HYCC1: variants seen among roughly 807,000 people sequenced by gnomAD.
HYCC1 encodes the protein hyccin PI4KA lipid kinase complex subunit 1, also known as hyccin.
the HYCC1 span, among the ~76,000 whole-genome samples, chr7:22,975,845 T>G: frequency 2.6e-5 from 4 of 152,114 alleles, no homozygotes; most frequent in African/African-American, 9.7e-5. Context: ...GCCTCCCAGG[T>G]AGCTGGGACT....
chr7:22,918,638 G>A, the HYCC1 span, among the ~76,000 whole-genome samples: 421 of 152,212 alleles, frequency 2.8e-3, 1 homozygote, highest in South Asian at 6.0e-3. Flanking sequence ...GAAAATGGCC[G>A]ATTCCTGCCT....
chr7:22,899,023 C>T, the HYCC1 span, among the ~76,000 whole-genome samples: 12 of 152,270 alleles, frequency 7.9e-5, no homozygotes, highest in Admixed American at 6.5e-4. Flanking sequence ...CATTTTTATT[C>T]ACTGTGGTTA....
the HYCC1 span, chr7:22,960,369 G>A: frequency 4.7e-5 from 76 of 1,613,284 alleles, no homozygotes; most frequent in Non-Finnish European, 6.1e-5. Flanking sequence ...TTCCTTATTA[G>A]ATTTCATGGG....
the HYCC1 span, among the ~76,000 whole-genome samples, chr7:22,914,079 C>T: frequency 6.6e-6 from 1 of 152,220 alleles, no homozygotes; most frequent in Non-Finnish European, 1.5e-5. Context: ...AAAGGAGGCA[C>T]ATTTTATCTG....
At chr7:23,004,156 T>C in the HYCC1 span, among the ~76,000 whole-genome samples, 5 of 152,348 alleles carry the variant, frequency 3.3e-5, no homozygotes, top group East Asian at 9.6e-4. Flanking sequence ...GACGTTGTTT[T>C]GTAGCTGAAT....
chr7:22,924,165 G>A, the HYCC1 span, among the ~76,000 whole-genome samples: 20 of 132,908 alleles, frequency 1.5e-4, no homozygotes, highest in South Asian at 8.3e-4. Flanking sequence ...GTGACAGAGC[G>A]AGACTCTGTA....
the HYCC1 span, chr7:22,978,251 A>G: frequency 6.2e-7 from 1 of 1,611,290 alleles, no homozygotes; most frequent in Non-Finnish European, 8.5e-7. Flanking sequence ...GATTTTGTTA[A>G]CTCCATTAAA....
chr7:22,931,255 GAAA>G, the HYCC1 span, among the ~76,000 whole-genome samples: 1 of 103,816 alleles, frequency 9.6e-6, no homozygotes, highest in African/African-American at 3.5e-5. Context: ...CAAAAAAAAA[GAAA>G]AAAAAAAAAA....
chr7:23,013,267 G>A, the HYCC1 span, among the ~76,000 whole-genome samples: 218 of 152,302 alleles, frequency 1.4e-3, no homozygotes, highest in African/African-American at 5.0e-3. Flanking sequence ...AGGGGCAAGG[G>A]CTCAAGAAGA....
chr7:22,931,985 C>A, the HYCC1 span, among the ~76,000 whole-genome samples: 10 of 152,104 alleles, frequency 6.6e-5, no homozygotes, highest in Non-Finnish European at 1.5e-4. Flanking sequence ...TGAAAGGAAC[C>A]AGCATTTGCT....
At chr7:22,930,888 T>A in the HYCC1 span, among the ~76,000 whole-genome samples, 2 of 152,114 alleles carry the variant, frequency 1.3e-5, no homozygotes, top group African/African-American at 4.8e-5. Flanking sequence ...AAAAACTACA[T>A]GTTCGTCTCA....
chr7:22,898,589 CTTTTCTTTTCT>C, the HYCC1 span, among the ~76,000 whole-genome samples: 1 of 56,638 alleles, frequency 1.8e-5, no homozygotes, highest in African/African-American at 5.9e-5. Flanking sequence ...CTTTTCTTTT[CTTTTCTTTTCT>C]TTTCTTTTTT....
the HYCC1 span, among the ~76,000 whole-genome samples, chr7:22,898,908 A>G: frequency 2.0e-5 from 3 of 151,992 alleles, no homozygotes; most frequent in Non-Finnish European, 2.9e-5. Context: ...GCTGGTCCGA[A>G]TATTTCTCAA....
chr7:23,001,243 T>C, the HYCC1 span, among the ~76,000 whole-genome samples: 2 of 152,202 alleles, frequency 1.3e-5, no homozygotes, highest in African/African-American at 4.8e-5. Context: ...CCATCCTAGC[T>C]GGTAAATTAA....
At chr7:22,918,536 A>G in the HYCC1 span, among the ~76,000 whole-genome samples, 1 of 152,110 alleles carries the variant, frequency 6.6e-6, no homozygotes, top group Admixed American at 6.5e-5. Flanking sequence ...TTTCTTATGA[A>G]TATAAGAAGA....
the HYCC1 span, among the ~76,000 whole-genome samples, chr7:22,946,617 C>A: frequency 6.6e-6 from 1 of 151,784 alleles, no homozygotes; most frequent in African/African-American, 2.4e-5. Context: ...ATTATTTTAT[C>A]AAATTAAAAA....
At chr7:23,009,712 G>A in the HYCC1 span, among the ~76,000 whole-genome samples, 3 of 152,118 alleles carry the variant, frequency 2.0e-5, no homozygotes, top group Non-Finnish European at 4.4e-5. Flanking sequence ...GATAGAAAAT[G>A]TGAGCCTTTG....
At chr7:22,969,174 T>A in the HYCC1 span, among the ~76,000 whole-genome samples, 1 of 151,008 alleles carries the variant, frequency 6.6e-6, no homozygotes, top group East Asian at 2.0e-4. Context: ...CCAGTTCTTT[T>A]TTTGTTTGTT....
the HYCC1 span, chr7:23,014,098 G>A: frequency 3.6e-5 from 17 of 469,942 alleles, no homozygotes; most frequent in East Asian, 1.0e-3. Context: ...TGACAACCCA[G>A]CCGGGAGAGC....
Sources: allele counts gnomAD v4.1 joint callset (sites outside exome capture counted in the v4.1 genomes callset), GRCh38; gene constraint gnomAD v4.1.1; transcripts MANE v1.5; gene names NCBI Gene and HGNC (gene_info 2026-07-23, HGNC 2026-07-21).